SPIDR: variants seen among roughly 807,000 people sequenced by gnomAD.
SPIDR encodes scaffold protein involved in DNA repair.
A neutral mutation model predicts 104.6 loss-of-function variants in SPIDR; 93 were observed. The ratio of observed to expected loss-of-function variants is 0.89; its 90% CI spans 0.75 to 1.06. The LOEUF is 1.06. Among genes scored for constraint, SPIDR ranks in the 50% least tolerant of loss-of-function variants. The pLI, the probability that SPIDR is intolerant of heterozygous loss-of-function variation, is 0.00. For synonymous variants in SPIDR, 431 were observed against 416.9 expected, an observed-to-expected ratio of 1.03 and a Z score of -0.41; for missense variants, 1,154 against 1,111.2, an observed-to-expected ratio of 1.04 and a Z score of -0.55.
chr8:47,335,396 G>C (rs1454921941), intron 5 of SPIDR, among the ~76,000 whole-genome samples: 1 of 152,006 alleles, frequency 6.6e-6, no homozygotes, highest in Admixed American at 6.6e-5. Flanking sequence ...TTCTAGATTG[G>C]TAATTTTTTT....
chr8:47,350,919 C>T (rs545642787), intron 5 of SPIDR, among the ~76,000 whole-genome samples: 2 of 152,180 alleles, frequency 1.3e-5, no homozygotes, highest in African/African-American at 4.8e-5. Context: ...TAGAGCACAC[C>T]CACACCATTC....
chr8:47,323,794 A>C (rs976241109), intron 5 of SPIDR, among the ~76,000 whole-genome samples: 1 of 152,146 alleles, frequency 6.6e-6, no homozygotes, highest in African/African-American at 2.4e-5. Flanking sequence ...TTAGTCTTCT[A>C]CTTCTTCAGA....
intron 5 of SPIDR, among the ~76,000 whole-genome samples, chr8:47,379,086 C>T (rs782298441): frequency 1.2e-4 from 18 of 152,052 alleles, no homozygotes; most frequent in Non-Finnish European, 2.2e-4. Context: ...GGGCAGTATC[C>T]GGCACCCTAG....
chr8:47,330,697 T>C, intron 5 of SPIDR: 2 of 446,694 alleles, frequency 4.5e-6, no homozygotes, highest in South Asian at 3.1e-5. Flanking sequence ...AACTTATTTC[T>C]TTTCAGCACT....
intron 8 of SPIDR, among the ~76,000 whole-genome samples, chr8:47,470,835 C>T (rs988803143): frequency 2.0e-5 from 3 of 151,620 alleles, no homozygotes; most frequent in South Asian, 2.1e-4. Flanking sequence ...CCTGGGTTCC[C>T]GCCATTCTCC....
intron 5 of SPIDR, among the ~76,000 whole-genome samples, chr8:47,388,758 A>T (rs1271876631): frequency 2.6e-5 from 4 of 152,222 alleles, no homozygotes; most frequent in Non-Finnish European, 5.9e-5. Context: ...GTGGACAGAG[A>T]CATATTTGTT....
chr8:47,454,480 G>C (rs1169549366), intron 8 of SPIDR, among the ~76,000 whole-genome samples: 1 of 151,962 alleles, frequency 6.6e-6, no homozygotes, highest in African/African-American at 2.4e-5. Context: ...CCTGTGGTGG[G>C]GTGCGGGGGT....
chr8:47,420,519 A>C (rs1554679354), intron 7 of SPIDR, among the ~76,000 whole-genome samples: 1 of 152,102 alleles, frequency 6.6e-6, no homozygotes, highest in Non-Finnish European at 1.5e-5. Context: ...TCTGCAAATG[A>C]GATGGGTTTC....
intron 12 of SPIDR, among the ~76,000 whole-genome samples, chr8:47,701,125 A>G (rs2080116793): frequency 6.6e-6 from 1 of 152,182 alleles, no homozygotes; most frequent in African/African-American, 2.4e-5. Context: ...TGTGACCCTG[A>G]ACTGTGCTAA....
intron 10 of SPIDR, among the ~76,000 whole-genome samples, chr8:47,635,586 G>A (rs1034889205): frequency 5.3e-5 from 8 of 152,148 alleles, no homozygotes; most frequent in Non-Finnish European, 1.2e-4. Flanking sequence ...GCCAGGCGCA[G>A]TGGCACCTGT....
At chr8:47,429,710 G>A (rs554003108) in intron 7 of SPIDR, among the ~76,000 whole-genome samples, 61 of 151,752 alleles carry the variant, frequency 4.0e-4, no homozygotes, top group Non-Finnish European at 7.7e-4. Flanking sequence ...CTTCATCTGC[G>A]CTGCAGTTTT....
At chr8:47,453,139 G>A (rs1425050769) in intron 8 of SPIDR, among the ~76,000 whole-genome samples, 20 of 152,078 alleles carry the variant, frequency 1.3e-4, no homozygotes, top group Admixed American at 1.2e-3. Flanking sequence ...GAAATACCTG[G>A]GAATCCAACT....
At chr8:47,474,029 C>T (rs1554722445) in intron 8 of SPIDR, among the ~76,000 whole-genome samples, 2 of 152,054 alleles carry the variant, frequency 1.3e-5, no homozygotes, top group Admixed American at 6.6e-5. Flanking sequence ...AAGGAGAACA[C>T]GAGCAGGCAT....
In SPIDR at chr8:47,594,302, G is replaced by A. The variant is rs2061408918; in HGVS notation, c.1098-1509G>A. Among the ~76,000 whole-genome samples, 3 of 151,864 alleles carry A rather than the reference G, an allele frequency of 2.0e-5. No individual in the cohort carries two copies. The South Asian group carries it at 6.2e-4, about 32-fold the overall frequency. ...AGGTGGGAGAATCACTTGAACTTGG[G>A]AGGCAGAGGTTGCAGTGAGCTGAGA... On this transcript the variant is annotated intron_variant, in intron 8 of 19. Coordinates refer to ENST00000297423, the MANE Select transcript of SPIDR (RefSeq NM_001080394.4).
chr8:47,677,024 G>A (rs573404537), intron 11 of SPIDR, among the ~76,000 whole-genome samples: 6 of 152,312 alleles, frequency 3.9e-5, no homozygotes, highest in Admixed American at 6.5e-5. Context: ...CCTGAGCTTC[G>A]GTTTAAAAAC....
chr8:47,478,781 T>C (rs1233758361), intron 8 of SPIDR, among the ~76,000 whole-genome samples: 1 of 152,196 alleles, frequency 6.6e-6, no homozygotes, highest in Non-Finnish European at 1.5e-5. Context: ...CCTTCCTAAA[T>C]TGGCTATGAA....
rs142764854 is a variant in SPIDR at position 47,385,729 on chromosome 8, A to G, written c.526-10647A>G. On this transcript the variant is annotated intron_variant, in intron 5 of 19. Coordinates refer to ENST00000297423, the MANE Select transcript of SPIDR (RefSeq NM_001080394.4). Reference sequence around the variant, plus strand: ...CCATTGGGTTGGCTTCCCATTTCTTATTGATTCATGGGAGTTTTTTGTACA... The same window carrying G: ...CCATTGGGTTGGCTTCCCATTTCTTGTTGATTCATGGGAGTTTTTTGTACA... Among the ~76,000 whole-genome samples, 6 of 152,114 alleles carry G rather than the reference A, an allele frequency of 3.9e-5. No homozygotes were observed. In the East Asian group the frequency reaches 1.2e-3, roughly 29 times the overall value.
intron 1 of SPIDR, among the ~76,000 whole-genome samples, chr8:47,264,558 C>G (rs555103142): frequency 6.6e-6 from 1 of 152,174 alleles, no homozygotes; most frequent in South Asian, 2.1e-4. Context: ...CTTGTGTTCT[C>G]CCTTTCCTTA....
At chr8:47,732,085 A>G (rs951762061) in intron 19 of SPIDR, 8 of 700,550 alleles carry the variant, frequency 1.1e-5, no homozygotes, top group African/African-American at 3.5e-5. Context: ...GTCTCCAGCA[A>G]TGGACAGTGC....
Sources: allele counts gnomAD v4.1 joint callset (sites outside exome capture counted in the v4.1 genomes callset), GRCh38; gene constraint gnomAD v4.1.1; transcripts MANE v1.5; gene names NCBI Gene and HGNC (gene_info 2026-07-23, HGNC 2026-07-21).